Variants in TTC17 observed in about 807,000 individuals in gnomAD.
TTC17 encodes the protein tetratricopeptide repeat domain 17.
In TTC17, 58 loss-of-function variants were observed where a neutral mutation model predicts 143.8. The ratio of observed to expected loss-of-function variants is 0.40; its 90% CI spans 0.33 to 0.50. The LOEUF (loss-of-function observed/expected upper bound fraction) is 0.50. Among genes scored for constraint, TTC17 ranks in the 20% least tolerant of loss-of-function variants. The pLI is 0.49. For synonymous variants in TTC17, 501 were observed against 497.8 expected, an observed-to-expected ratio of 1.01 and a Z score of -0.09; for missense variants, 1,273 against 1,392.5, an observed-to-expected ratio of 0.91 and a Z score of 1.37.
chr11:43,368,076 A>G (rs1233952311), intron 1 of TTC17, among the ~76,000 whole-genome samples: 2 of 152,194 alleles, frequency 1.3e-5, no homozygotes, highest in Non-Finnish European at 2.9e-5. Context: ...AGCATACAGA[A>G]GAGCCAACAC....
chr11:43,477,307 T>A (rs1357978514), intron 21 of TTC17, among the ~76,000 whole-genome samples: 2 of 152,224 alleles, frequency 1.3e-5, no homozygotes, highest in East Asian at 3.8e-4. Flanking sequence ...CAAACTGTTC[T>A]AATCTCTGCC....
chr11:43,384,089 G>T (rs1158606168), intron 2 of TTC17, among the ~76,000 whole-genome samples: 1 of 151,352 alleles, frequency 6.6e-6, no homozygotes, highest in African/African-American at 2.4e-5. Flanking sequence ...AGGTTACAGT[G>T]AGCTATGATA....
intron 21 of TTC17, among the ~76,000 whole-genome samples, chr11:43,459,005 C>G (rs1377020697): frequency 6.6e-6 from 1 of 152,146 alleles, no homozygotes; most frequent in Admixed American, 6.5e-5. Context: ...TCCACAGTTT[C>G]AGGCATACAC....
Position 43,407,514 on chromosome 11 carries a change from TTAC to T in TTC17, c.2002_2004del (p.Tyr668del). 6.2e-7 allele frequency: 1 copy of T among 1,614,054 alleles called. No individual in the cohort carries two copies. The highest frequency in any genetic ancestry group is 8.5e-7 in the Non-Finnish European group (1 of 1,179,966). Reference sequence around the variant, plus strand: ...TCAACTTGGCCAACCTTTTGATTCATTACGGCCTTCATCTTGATGCCACTAAGC... The same window carrying T: ...TCAACTTGGCCAACCTTTTGATTCATGGCCTTCATCTTGATGCCACTAAGC... On this transcript the variant is annotated inframe_deletion, in exon 15 of 24. Transcript: ENST00000039989.
chr11:43,478,674 C>G (rs746860725), intron 21 of TTC17, among the ~76,000 whole-genome samples: 19 of 152,116 alleles, frequency 1.2e-4, no homozygotes, highest in Non-Finnish European at 1.9e-4. Flanking sequence ...GTGACACAGT[C>G]TTAGCTCGCT....
chr11:43,432,514 C>T (rs1947181585), intron 16 of TTC17, among the ~76,000 whole-genome samples: 1 of 152,160 alleles, frequency 6.6e-6, no homozygotes, highest in Non-Finnish European at 1.5e-5. Flanking sequence ...AAGTGTTTTC[C>T]ATTTTCACCT....
intron 21 of TTC17, chr11:43,466,846 T>G (rs1947982970): frequency 3.6e-6 from 1 of 275,174 alleles, no homozygotes; most frequent in Non-Finnish European, 7.2e-6. Flanking sequence ...ACAAGCAAGA[T>G]CGCCATTGCC....
chr11:43,447,190 TA>T (rs1175212814), intron 18 of TTC17, among the ~76,000 whole-genome samples: 4 of 151,562 alleles, frequency 2.6e-5, no homozygotes, highest in Non-Finnish European at 4.4e-5. Context: ...GTCTCTAACT[TA>T]AAAAAAGAAA....
At chr11:43,434,941 G>A (rs529799079) in intron 16 of TTC17, among the ~76,000 whole-genome samples, 9 of 152,196 alleles carry the variant, frequency 5.9e-5, no homozygotes, top group Non-Finnish European at 1.2e-4. Flanking sequence ...TCTTGGCACA[G>A]TAAGGGAGAT....
At chr11:43,470,072 T>C (rs1948064077) in intron 21 of TTC17, among the ~76,000 whole-genome samples, 1 of 152,044 alleles carries the variant, frequency 6.6e-6, no homozygotes, top group African/African-American at 2.4e-5. Flanking sequence ...TAAAAATGTA[T>C]GACAACAATA....
chr11:43,470,544 A>T (rs962970983), intron 21 of TTC17, among the ~76,000 whole-genome samples: 3 of 152,234 alleles, frequency 2.0e-5, no homozygotes, highest in Non-Finnish European at 2.9e-5. Context: ...CTCAGTCCAG[A>T]TAGGTTTACC....
chr11:43,466,625 TA>T, intron 21 of TTC17: 1 of 315,348 alleles, frequency 3.2e-6, no homozygotes. Context: ...TCTACGGGGA[TA>T]AATTTGATGA....
chr11:43,431,872 A>T (rs1238374089), intron 16 of TTC17, among the ~76,000 whole-genome samples: 1 of 152,250 alleles, frequency 6.6e-6, no homozygotes, highest in Non-Finnish European at 1.5e-5. Flanking sequence ...AAAACGATTC[A>T]CAAAAAGGTA....
chr11:43,434,239 G>T (rs1947233380), intron 16 of TTC17, among the ~76,000 whole-genome samples: 1 of 134,788 alleles, frequency 7.4e-6, no homozygotes, highest in Non-Finnish European at 1.6e-5. Context: ...ACACTCTCAT[G>T]GCCTCTTTCC....
At chr11:43,488,795 G>A (rs1948422718) in intron 21 of TTC17, among the ~76,000 whole-genome samples, 1 of 152,038 alleles carries the variant, frequency 6.6e-6, no homozygotes, top group South Asian at 2.1e-4. Flanking sequence ...CAAACTCCTG[G>A]GCTCAAGCGA....
intron 10 of TTC17, among the ~76,000 whole-genome samples, chr11:43,402,466 C>A (rs1857908401): frequency 6.6e-6 from 1 of 151,950 alleles, no homozygotes; most frequent in African/African-American, 2.4e-5. Context: ...ATATACAATC[C>A]TAATCTATCT....
intron 21 of TTC17, among the ~76,000 whole-genome samples, chr11:43,470,355 A>G (rs536295031): frequency 6.6e-6 from 1 of 152,324 alleles, no homozygotes; most frequent in South Asian, 2.1e-4. Flanking sequence ...CAATTTATTA[A>G]TTGTGGGAAC....
At chr11:43,427,024 C>G (rs544210381) in intron 16 of TTC17, among the ~76,000 whole-genome samples, 1 of 152,294 alleles carries the variant, frequency 6.6e-6, no homozygotes, top group Admixed American at 6.5e-5. Context: ...ATCATACTTA[C>G]TACCTAAACC....
intron 5 of TTC17, among the ~76,000 whole-genome samples, chr11:43,392,532 G>A (rs1424539310): frequency 6.6e-6 from 1 of 152,186 alleles, no homozygotes; most frequent in African/African-American, 2.4e-5. Flanking sequence ...CAGTATTATA[G>A]TGGTATAAAA....
Sources: allele counts gnomAD v4.1 joint callset (sites outside exome capture counted in the v4.1 genomes callset), GRCh38; gene constraint gnomAD v4.1.1; transcripts MANE v1.5; gene names NCBI Gene and HGNC (gene_info 2026-07-23, HGNC 2026-07-21).